COL18A1: variants seen among roughly 807,000 people sequenced by gnomAD.
The protein encoded by COL18A1 is collagen type XVIII alpha 1 chain.
Under a neutral mutation model 168.0 loss-of-function variants are expected in COL18A1, and 133 were observed. That is an observed-to-expected ratio of 0.79 (90% CI 0.69 to 0.91). The LOEUF (loss-of-function observed/expected upper bound fraction) is 0.91, where lower values mean the gene tolerates loss of function less well. Among genes scored for constraint, COL18A1 ranks in the 40% least tolerant of loss-of-function variants. The pLI, the probability that COL18A1 is intolerant of heterozygous loss-of-function variation, is 0.00. For synonymous variants in COL18A1, 949 were observed against 809.0 expected (o/e 1.17, Z -2.94); for missense variants, 2,126 against 1,925.4 (o/e 1.10, Z -1.95).
At position 45,423,109 on chromosome 21, in the gene COL18A1, C is replaced by T. The variant is rs79163371; in HGVS notation, c.106+17636C>T. Among the ~76,000 whole-genome samples, 5,838 of 152,218 alleles carry T rather than the reference C, an allele frequency of 0.038. 147 individuals are homozygous for T. The highest frequency in any genetic ancestry group is 0.092 in the East Asian group (475 of 5,172). On this transcript the variant is annotated intron_variant, in intron 2 of 41. Coordinates refer to ENST00000651438, the MANE Select transcript of COL18A1 (RefSeq NM_001379500.1). This position sits in a 1 kb window ranked among gnomAD's most constrained non-coding sequence, Gnocchi z 4.0. ...GATTATAGGTGTGAGCCACCGCACC[C>T]GGCCGAAGTGGTTTTAATGTCCCCA...
chr21:45,453,233 C>T (rs1420655483), intron 2 of COL18A1, among the ~76,000 whole-genome samples: 1 of 152,048 alleles, frequency 6.6e-6, no homozygotes, highest in Non-Finnish European at 1.5e-5. Context: ...CATGTGTGTG[C>T]TTGTGTATGC....
At chr21:45,406,138 C>T (rs1020859144) in intron 2 of COL18A1, among the ~76,000 whole-genome samples, 3 of 152,212 alleles carry the variant, frequency 2.0e-5, no homozygotes, top group Non-Finnish European at 4.4e-5. Flanking sequence ...CCTCCAACCC[C>T]GGGACCCAGT....
In COL18A1 at chr21:45,512,595, C is replaced by CTGA. The variant is rs2037676434; in HGVS notation, c.*200_*202dup. 1 of 627,124 alleles carries CTGA rather than the reference C, an allele frequency of 1.6e-6. No homozygotes were observed. Among genetic ancestry groups the CTGA allele is most frequent in the African/African-American group, 1.8e-5 (1 of 54,272 alleles). The allele number at this position is 627,124 out of a possible 1,614,324, so 38.8% of individuals were successfully genotyped here. A position where few individuals can be genotyped will look rare whatever the true frequency, so the allele number is the denominator to read the frequency against. On this transcript the variant is annotated 3_prime_UTR_variant, in exon 42 of 42. Transcript: ENST00000651438. The stretch of plus-strand genomic sequence containing the variant: ...TTTTTTAAAAGTTTAAAACAGAAGC[C>CTGA]TGATGCTGACATTCACCTGCCCCAA...
intron 4 of COL18A1, 47 bp from the exon 5 acceptor site, chr21:45,475,429 T>A: frequency 6.5e-7 from 1 of 1,532,120 alleles, no homozygotes; most frequent in Non-Finnish European, 8.9e-7. Flanking sequence ...GCTCGGGGCC[T>A]GGCCTGGCTG....
Position 45,511,244 on chromosome 21 carries a change from T to C in COL18A1, c.3809+18T>C. On this transcript the variant is annotated intron_variant, in intron 41 of 41. Transcript: ENST00000651438. ...CCCACCTGGTAGGTTCCCAGTGCCGTGTGAGCAGCTCTGAGAGCCCCAGCC... is the reference window on the plus strand; with the variant it reads ...CCCACCTGGTAGGTTCCCAGTGCCGCGTGAGCAGCTCTGAGAGCCCCAGCC... 7.3e-7 allele frequency: 1 copy of C among 1,371,728 alleles called. No individual in the cohort carries two copies. The highest frequency in any genetic ancestry group is 1.0e-6 in the Non-Finnish European group (1 of 977,958). The allele number at this position is 1,371,728 out of a possible 1,614,324, so 85.0% of individuals were successfully genotyped here. A position where few individuals can be genotyped will look rare whatever the true frequency, so the allele number is the denominator to read the frequency against.
At chr21:45,506,370 T>G in intron 37 of COL18A1, 1 of 351,508 alleles carries the variant, frequency 2.8e-6, no homozygotes. Flanking sequence ...GGCTGTCCCG[T>G]GGCTCTGCAC....
chr21:45,413,515 A>G (rs1232988364), intron 2 of COL18A1, among the ~76,000 whole-genome samples: 1 of 152,216 alleles, frequency 6.6e-6, no homozygotes, highest in Non-Finnish European at 1.5e-5. Flanking sequence ...TGCCCCAGCG[A>G]GGAGCTTTCT....
chr21:45,467,530 C>A, intron 2 of COL18A1: 1 of 782,804 alleles, frequency 1.3e-6, no homozygotes, highest in African/African-American at 1.9e-5. Flanking sequence ...GCACCTGGCC[C>A]AGCAGGTGAG....
chr21:45,496,343 C>T (rs1378466775), intron 29 of COL18A1, 157 bp from the exon 30 acceptor site: 1 of 722,768 alleles, frequency 1.4e-6, no homozygotes, highest in Non-Finnish European at 2.6e-6. Context: ...CCTCAGGGAG[C>T]CGTGGCCCGA....
intron 2 of COL18A1, among the ~76,000 whole-genome samples, chr21:45,434,455 G>A (rs766354198): frequency 1.3e-3 from 204 of 152,190 alleles, no homozygotes; most frequent in Non-Finnish European, 2.4e-3. Context: ...TGCTCTCTCC[G>A]GGGGGGTTTG....
chr21:45,493,653 G>A (rs2036436088), intron 26 of COL18A1, 78 bp downstream of exon 26: 6 of 1,112,536 alleles, frequency 5.4e-6, no homozygotes, highest in Admixed American at 2.0e-5. Flanking sequence ...GGGTCTTCCT[G>A]AGGGTCTGGC....
At chr21:45,497,566 T>G in intron 31 of COL18A1, 33 bp from the exon 32 acceptor site, 1 of 1,552,296 alleles carries the variant, frequency 6.4e-7, no homozygotes, top group Non-Finnish European at 8.7e-7. Flanking sequence ...CCCTGGCACA[T>G]TCCTGATGGG....
chr21:45,481,942 C>T, intron 13 of COL18A1, 21 bp from the exon 14 acceptor site: 1 of 1,591,548 alleles, frequency 6.3e-7, no homozygotes, highest in Non-Finnish European at 8.6e-7. Context: ...TCAAGACCCA[C>T]TATGCTCTGC....
intron 38 of COL18A1, among the ~76,000 whole-genome samples, chr21:45,508,440 TAAGTGGGTGAGTGGATGGGTGGATGGAC>T (rs1459658207): frequency 2.6e-5 from 3 of 113,426 alleles, no homozygotes; most frequent in African/African-American, 1.2e-4. Context: ...GGATGGTGGG[TAAGTGGGTGAGTGGATGGGTGGATGGAC>T]AGGTGGGTGA....
At position 45,498,582 on chromosome 21, in the gene COL18A1, G is replaced by A. The variant is rs1385182488; in HGVS notation, c.2683+921G>A. On this transcript the variant is annotated intron_variant, in intron 32 of 41. Coordinates refer to ENST00000651438, the MANE Select transcript of COL18A1 (RefSeq NM_001379500.1). This position sits in a 1 kb window ranked among gnomAD's most constrained non-coding sequence, Gnocchi z 4.5. ...GGTGGGAAGGGACCAGGCAGGCAGA[G>A]GCCGAGTCTGGGCCGGGACATCCTT... The A allele has an allele frequency of 8.4e-5, 60 of 716,156 alleles. No individual in the cohort carries two copies. The East Asian group carries it at 1.6e-3, about 19-fold the overall frequency. The allele number at this position is 716,156 out of a possible 1,614,324, so 44.4% of individuals were successfully genotyped here. A position where few individuals can be genotyped will look rare whatever the true frequency, so the allele number is the denominator to read the frequency against.
intron 2 of COL18A1, among the ~76,000 whole-genome samples, chr21:45,411,767 G>T (rs753434464): frequency 2.7e-4 from 27 of 101,520 alleles, no homozygotes; most frequent in African/African-American, 8.0e-4. Flanking sequence ...GGCGGGGGGT[G>T]GGGGGGGGGC....
Position 45,483,270 on chromosome 21 carries a change from G to A in COL18A1, c.1701+449G>A, listed in dbSNP as rs76358054. ...TAGGGGAGCCCCATCCACCCGTCCC[G>A]CAGGCTCATGAGCATCTGGGGGCAC... On this transcript the variant is annotated intron_variant, in intron 15 of 41. Coordinates refer to ENST00000651438, the MANE Select transcript of COL18A1 (RefSeq NM_001379500.1). 8.1e-3 allele frequency among the ~76,000 whole-genome samples: 1,233 copies of A among 152,222 alleles called. 39 individuals carry two copies. The East Asian group carries it at 0.094, about 12-fold the overall frequency.
At chr21:45,456,738 C>G (rs2034837900) in intron 2 of COL18A1, 1 of 1,535,488 alleles carries the variant, frequency 6.5e-7, no homozygotes, top group African/African-American at 1.4e-5. Context: ...GTCCCGCCGC[C>G]CGCCCCGCCA....
At chr21:45,468,935 C>G in intron 3 of COL18A1, 149 bp downstream of exon 3, 1 of 863,480 alleles carries the variant, frequency 1.2e-6, no homozygotes, top group Admixed American at 2.9e-5. Context: ...CGCAGGCCTC[C>G]TGGGTTCTTG....
Sources: gnomAD v4.1 joint callset for allele counts (sites outside exome capture counted in the v4.1 genomes callset) on GRCh38, gnomAD v4.1.1 for gene constraint, Gnocchi (gnomAD v3.1) non-coding constraint, MANE v1.5 for transcripts, NCBI Gene and HGNC (gene_info 2026-07-23, HGNC 2026-07-21) for gene names.